The following STK39 variants were observed in gnomAD, a reference collection of about 807,000 sequenced individuals.
STK39 encodes serine/threonine kinase 39, also known as STE20/SPS1-related proline-alanine-rich protein kinase.
In STK39, 20 loss-of-function variants were observed where a neutral mutation model predicts 77.8. The ratio of observed to expected loss-of-function variants is 0.26; its 90% CI spans 0.18 to 0.37. The LOEUF (loss-of-function observed/expected upper bound fraction) is 0.37, where lower values mean the gene tolerates loss of function less well. Among genes scored for constraint, STK39 ranks in the 10% least tolerant of loss-of-function variants. The pLI, the probability that STK39 is intolerant of heterozygous loss-of-function variation, is 1.00. For missense variants in STK39, 479 were observed against 656.5 expected (o/e 0.73, Z 2.95); for synonymous variants, 246 against 234.1 (o/e 1.05, Z -0.47).
chr2:168,091,181 CACAT>C (rs1368954488), intron 10 of STK39, among the ~76,000 whole-genome samples: 73 of 149,338 alleles, frequency 4.9e-4, no homozygotes, highest in Admixed American at 2.3e-3. Context: ...CACACACACA[CACAT>C]GATACAGCAC....
intron 17 of STK39, among the ~76,000 whole-genome samples, chr2:167,955,796 A>G (rs1691749582): frequency 1.3e-5 from 2 of 152,248 alleles, no homozygotes; most frequent in Non-Finnish European, 2.9e-5. Flanking sequence ...AGAGGTGGGA[A>G]GGGATTTGTT....
chr2:168,162,920 G>A lies in STK39; in HGVS notation c.572+819C>T, dbSNP rs185816836. Among the ~76,000 whole-genome samples, 72 of 151,888 alleles carry A rather than the reference G, an allele frequency of 4.7e-4. 1 individual carries two copies. The East Asian group carries it at 0.013, about 27-fold the overall frequency. On this transcript the variant is annotated intron_variant, in intron 4 of 17. Coordinates refer to ENST00000355999, the MANE Select transcript of STK39 (RefSeq NM_013233.3). ...CGCATGCCTGTAATCCCAGCTACTCGGGAGGCTGAGACAGGAGAATTGCTT... is the reference window on the plus strand; with the variant it reads ...CGCATGCCTGTAATCCCAGCTACTCAGGAGGCTGAGACAGGAGAATTGCTT...
At chr2:168,097,653 T>G (rs752963494) in intron 10 of STK39, among the ~76,000 whole-genome samples, 1 of 151,978 alleles carries the variant, frequency 6.6e-6, no homozygotes, top group Non-Finnish European at 1.5e-5. Flanking sequence ...GAGGATCCCT[T>G]GAGGCCAGGA....
At chr2:168,110,030 C>T (rs1219954182) in intron 10 of STK39, among the ~76,000 whole-genome samples, 1 of 152,106 alleles carries the variant, frequency 6.6e-6, no homozygotes, top group Non-Finnish European at 1.5e-5. Flanking sequence ...AAACAGTTGT[C>T]CTTAATTTCA....
intron 16 of STK39, among the ~76,000 whole-genome samples, chr2:168,008,288 G>A (rs866118478): frequency 6.6e-6 from 1 of 152,228 alleles, no homozygotes; most frequent in East Asian, 1.9e-4. Context: ...CTTGAAACGT[G>A]ATGGGATGTG....
At chr2:168,006,775 G>A (rs531921833) in intron 16 of STK39, among the ~76,000 whole-genome samples, 2 of 152,166 alleles carry the variant, frequency 1.3e-5, no homozygotes, top group East Asian at 1.9e-4. Context: ...AGGTAGTGCC[G>A]AGTTTAAGCA....
chr2:168,107,915 T>C (rs1687021242), intron 10 of STK39, among the ~76,000 whole-genome samples: 1 of 152,236 alleles, frequency 6.6e-6, no homozygotes, highest in Non-Finnish European at 1.5e-5. Context: ...GCATCACTAA[T>C]GGCATTTACC....
intron 14 of STK39, among the ~76,000 whole-genome samples, chr2:168,029,052 T>G (rs771853092): frequency 2.0e-4 from 31 of 152,224 alleles, no homozygotes; most frequent in Non-Finnish European, 3.8e-4. Flanking sequence ...TTAAGGACAA[T>G]TATGGTTTTT....
chr2:167,958,597 T>C (rs913360888), intron 17 of STK39, among the ~76,000 whole-genome samples: 1 of 152,182 alleles, frequency 6.6e-6, no homozygotes, highest in African/African-American at 2.4e-5. Context: ...TTCAATCTAC[T>C]GTTTTATGCT....
chr2:168,056,391 G>C (rs1685527685), intron 14 of STK39, among the ~76,000 whole-genome samples: 1 of 152,012 alleles, frequency 6.6e-6, no homozygotes, highest in Non-Finnish European at 1.5e-5. Context: ...CAGCAGGTAG[G>C]GCCATAAAAT....
intron 1 of STK39, among the ~76,000 whole-genome samples, chr2:168,203,148 T>A (rs911795265): frequency 1.3e-5 from 2 of 151,898 alleles, no homozygotes; most frequent in African/African-American, 4.8e-5. Context: ...ACCAAAAATG[T>A]CTCCAGACAC....
intron 14 of STK39, among the ~76,000 whole-genome samples, chr2:168,052,685 G>T (rs548569447): frequency 2.6e-5 from 4 of 152,300 alleles, no homozygotes; most frequent in African/African-American, 9.6e-5. Flanking sequence ...GCATAAAGGT[G>T]ATCTCTCATC....
intron 5 of STK39, among the ~76,000 whole-genome samples, chr2:168,142,625 G>A (rs761694608): frequency 8.6e-5 from 13 of 152,000 alleles, no homozygotes; most frequent in Non-Finnish European, 1.8e-4. Context: ...GAAAACAGCC[G>A]AAAAAGATGT....
intron 10 of STK39, among the ~76,000 whole-genome samples, chr2:168,097,739 C>CAA (rs34477630): frequency 1.4e-3 from 205 of 145,276 alleles, no homozygotes; most frequent in African/African-American, 4.9e-3. Context: ...GTCTCAAAAA[C>CAA]AAAAAAAAAA....
chr2:168,149,765 T>C (rs1688232544), intron 5 of STK39, among the ~76,000 whole-genome samples: 1 of 152,230 alleles, frequency 6.6e-6, no homozygotes, highest in African/African-American at 2.4e-5. Context: ...AGCATGGCTT[T>C]TCATGCCAGA....
chr2:168,174,737 C>T (rs1370976413), intron 2 of STK39, among the ~76,000 whole-genome samples: 3 of 150,680 alleles, frequency 2.0e-5, no homozygotes, highest in Admixed American at 6.6e-5. Context: ...TAGCATGCAC[C>T]TGTAATGACA....
intron 16 of STK39, among the ~76,000 whole-genome samples, chr2:168,001,269 C>CAAA (rs111793533): frequency 7.5e-4 from 81 of 108,554 alleles, no homozygotes; most frequent in African/African-American, 2.5e-3. Context: ...GGAAACACAT[C>CAAA]AAAAAAAAAA....
chr2:168,184,819 C>T (rs929029002), intron 1 of STK39, among the ~76,000 whole-genome samples: 15 of 152,102 alleles, frequency 9.9e-5, no homozygotes, highest in Non-Finnish European at 1.8e-4. Flanking sequence ...TTTAGTATGA[C>T]ATGTTTTACT....
rs886555159 is a variant in STK39 at position 168,045,337 on chromosome 2, C to G, written c.1376+18163G>C. On this transcript the variant is annotated intron_variant, in intron 14 of 17. Transcript: ENST00000355999. ...AGGCATCCTCTAGAACAGAAACACT[C>G]AGGCCCCCTGCCTCACCCACCCCCA... 4.3e-4 allele frequency among the ~76,000 whole-genome samples: 65 copies of G among 152,140 alleles called. 1 individual carries two copies. The highest frequency in any genetic ancestry group is 2.9e-4 in the Non-Finnish European group (20 of 68,016).
Sources: allele counts gnomAD v4.1 joint callset (sites outside exome capture counted in the v4.1 genomes callset), GRCh38; gene constraint gnomAD v4.1.1; transcripts MANE v1.5; gene names NCBI Gene and HGNC (gene_info 2026-07-23, HGNC 2026-07-21).